MAGI1: variants seen among roughly 807,000 people sequenced by gnomAD.
MAGI1 encodes membrane associated guanylate kinase, WW and PDZ domain containing 1.
In MAGI1, 58 loss-of-function variants were observed where a neutral mutation model predicts 139.9. That is an observed-to-expected ratio of 0.41 (90% confidence interval 0.34 to 0.52). The LOEUF (loss-of-function observed/expected upper bound fraction) is 0.52. Ranked by LOEUF, MAGI1 falls within the 20% of genes least tolerant of loss-of-function variation. The pLI is 0.12. For missense variants in MAGI1, 1,874 were observed against 1,901.6 expected (o/e 0.99, Z 0.27); for synonymous variants, 812 against 737.9 (o/e 1.10, Z -1.63).
rs1435891169 is a variant in MAGI1 at position 65,869,679 on chromosome 3, A to C, written c.313+168317T>G. Among the ~76,000 whole-genome samples the C allele has an allele frequency of 6.6e-5, 10 of 151,960 alleles. 1 individual carries two copies. The highest frequency in any genetic ancestry group is 1.2e-4 in the Non-Finnish European group (8 of 67,990). Reference sequence around the variant, plus strand: ...CCTCCCAAAGTGCTGGAATTACAGGAGTGAGCCACCGCGCCCAGCCAAGAC... The same window carrying C: ...CCTCCCAAAGTGCTGGAATTACAGGCGTGAGCCACCGCGCCCAGCCAAGAC... On this transcript the variant is annotated intron_variant, in intron 1 of 22. Transcript: ENST00000402939.
intron 1 of MAGI1, among the ~76,000 whole-genome samples, chr3:65,904,505 C>T (rs1245977399): frequency 6.6e-6 from 1 of 152,182 alleles, no homozygotes; most frequent in East Asian, 1.9e-4. Flanking sequence ...CCTCTGCTGC[C>T]CTTCCCAACC....
chr3:65,683,107 G>A (rs946946978), intron 1 of MAGI1, among the ~76,000 whole-genome samples: 2 of 152,038 alleles, frequency 1.3e-5, no homozygotes, highest in African/African-American at 4.8e-5. Context: ...ATGCTTGCTT[G>A]CTGCTGCTCA....
At chr3:65,829,296 G>C (rs114485654) in intron 1 of MAGI1, among the ~76,000 whole-genome samples, 34 of 152,278 alleles carry the variant, frequency 2.2e-4, no homozygotes, top group African/African-American at 7.7e-4. Flanking sequence ...CAACTGCATA[G>C]TGCTATGGTC....
chr3:65,865,601 A>C (rs1297113297), intron 1 of MAGI1, among the ~76,000 whole-genome samples: 2 of 152,220 alleles, frequency 1.3e-5, no homozygotes, highest in Admixed American at 6.5e-5. Context: ...GTCTCAAAAA[A>C]TAAAAATAAA....
At chr3:65,630,364 T>C (rs1351746194) in intron 1 of MAGI1, among the ~76,000 whole-genome samples, 2 of 152,114 alleles carry the variant, frequency 1.3e-5, no homozygotes, top group Non-Finnish European at 2.9e-5. Context: ...GGAAAGACTA[T>C]TCCAGGCAGA....
intron 1 of MAGI1, among the ~76,000 whole-genome samples, chr3:65,754,547 T>G (rs1025917418): frequency 6.6e-6 from 1 of 152,202 alleles, no homozygotes; most frequent in Non-Finnish European, 1.5e-5. Flanking sequence ...CACTTTCTGA[T>G]GTTGAGCCTG....
intron 2 of MAGI1, among the ~76,000 whole-genome samples, chr3:65,582,439 A>G (rs1045004013): frequency 1.3e-5 from 2 of 152,172 alleles, no homozygotes; most frequent in African/African-American, 4.8e-5. Context: ...GCCTTCCTCA[A>G]TATTCTCAGG....
At chr3:65,403,693 A>C (rs1455844864) in intron 12 of MAGI1, among the ~76,000 whole-genome samples, 1 of 152,192 alleles carries the variant, frequency 6.6e-6, no homozygotes. Context: ...AGGTAAGTAG[A>C]GTCAGGGAAA....
rs550578905 is a variant in MAGI1, at chr3:65,973,798, T to G, written c.313+64198A>C. Among the ~76,000 whole-genome samples the G allele has an allele frequency of 9.8e-5, 15 of 152,360 alleles. No homozygotes were observed. In the South Asian group the frequency reaches 3.1e-3, roughly 32 times the overall value. On this transcript the variant is annotated intron_variant, in intron 1 of 22. Coordinates refer to ENST00000402939, the MANE Select transcript of MAGI1 (RefSeq NM_001033057.2). ...TAGAGAAAGCACTCTATCAATATTA[T>G]TATTTATTTGACCCAAGTCTCATTT...
At chr3:65,863,202 G>A (rs531340854) in intron 1 of MAGI1, among the ~76,000 whole-genome samples, 8 of 152,294 alleles carry the variant, frequency 5.3e-5, no homozygotes, top group African/African-American at 1.7e-4. Flanking sequence ...CATCTCCTCT[G>A]AGGAGCTCAT....
intron 1 of MAGI1, among the ~76,000 whole-genome samples, chr3:65,780,557 A>G (rs1028884693): frequency 6.6e-6 from 1 of 152,212 alleles, no homozygotes; most frequent in Non-Finnish European, 1.5e-5. Context: ...CTCAAACTCA[A>G]TATTACACAG....
intron 1 of MAGI1, among the ~76,000 whole-genome samples, chr3:65,665,386 A>G (rs545322021): frequency 3.3e-5 from 5 of 152,314 alleles, no homozygotes; most frequent in Non-Finnish European, 5.9e-5. Context: ...AAAACAGGCT[A>G]AATTTGTGGA....
chr3:65,936,808 T>C (rs957641631), intron 1 of MAGI1, among the ~76,000 whole-genome samples: 7 of 152,018 alleles, frequency 4.6e-5, no homozygotes, highest in Admixed American at 3.9e-4. Context: ...CACAGCTCAC[T>C]GCAATTTCAA....
chr3:66,000,772 T>C (rs947705615), intron 1 of MAGI1, among the ~76,000 whole-genome samples: 2 of 152,226 alleles, frequency 1.3e-5, no homozygotes, highest in Non-Finnish European at 2.9e-5. Flanking sequence ...ACATCCTGCA[T>C]CACAGGCTAA....
chr3:65,820,854 A>G (rs898996873), intron 1 of MAGI1, among the ~76,000 whole-genome samples: 3 of 152,130 alleles, frequency 2.0e-5, no homozygotes, highest in African/African-American at 7.2e-5. Flanking sequence ...TCCCAGATTC[A>G]AGGCCACAGG....
At chr3:65,563,398 C>T (rs553108616) in intron 2 of MAGI1, among the ~76,000 whole-genome samples, 1 of 152,274 alleles carries the variant, frequency 6.6e-6, no homozygotes, top group African/African-American at 2.4e-5. Flanking sequence ...TAGTTAGTCT[C>T]CCTCCCACAT....
At chr3:65,833,338 C>T (rs554964949) in intron 1 of MAGI1, among the ~76,000 whole-genome samples, 2 of 152,072 alleles carry the variant, frequency 1.3e-5, no homozygotes, top group Non-Finnish European at 2.9e-5. Context: ...AGGCTGGTTT[C>T]AAACTCCTGA....
chr3:65,395,580 T>A (rs1423192658), intron 13 of MAGI1, among the ~76,000 whole-genome samples: 2 of 131,070 alleles, frequency 1.5e-5, no homozygotes, highest in African/African-American at 5.9e-5. Flanking sequence ...GAGCTTCCAG[T>A]GAGCTGAGAT....
chr3:65,402,902 G>T (rs886306229), intron 12 of MAGI1, among the ~76,000 whole-genome samples: 2 of 152,126 alleles, frequency 1.3e-5, no homozygotes, highest in African/African-American at 4.8e-5. Flanking sequence ...AGGGCATAAG[G>T]CACACTCAGT....
Sources: allele counts gnomAD v4.1 joint callset (sites outside exome capture counted in the v4.1 genomes callset), GRCh38; gene constraint gnomAD v4.1.1; transcripts MANE v1.5; gene names NCBI Gene and HGNC (gene_info 2026-07-23, HGNC 2026-07-21).